Variants in NUP54 observed in about 807,000 individuals in gnomAD.
The protein encoded by NUP54 is nucleoporin p54.
Under a neutral mutation model 66.4 loss-of-function variants are expected in NUP54, and 27 were observed. The observed-to-expected ratio is 0.41, with a 90% CI of 0.30 to 0.56. The LOEUF is 0.56. NUP54 is among the 20% of genes least tolerant of loss of function. NUP54 has a pLI of 0.34. For synonymous variants in NUP54, 206 were observed against 210.7 expected (o/e 0.98, Z 0.19); for missense variants, 486 against 596.3 (o/e 0.82, Z 1.93).
chr4:76,130,670 G>A lies in NUP54; in HGVS notation c.1042C>T (p.Gln348Ter). The A allele has an allele frequency of 6.2e-7, 1 of 1,612,384 alleles. No individual in the cohort carries two copies. The highest frequency in any genetic ancestry group is 8.5e-7 in the Non-Finnish European group (1 of 1,178,542). ...KVQDQMTKQHQTRLDIISEDI... is the reference protein window; with the variant it reads ...KVQDQMTKQH ...TAAATGCTTACATCTAATCTGGTTT[G>A]ATGCTGCTTAGTCATCTGATCTTGA... is the stretch of plus-strand genomic sequence containing the variant. The change falls in exon 8 of 12, where the codon CAA (glutamine) becomes TAA (stop). Residue 348 changes from glutamine (Q) to a stop codon, truncating the protein, a stop_gained. Transcript: ENST00000264883. LOFTEE classifies it high-confidence loss of function.
chr4:76,118,861 G>A (rs866141227), intron 9 of NUP54, among the ~76,000 whole-genome samples: 10 of 151,938 alleles, frequency 6.6e-5, no homozygotes, highest in East Asian at 3.9e-4. Flanking sequence ...AAAATTAGCC[G>A]GACGTTGATG....
intron 11 of NUP54, 45 bp from the exon 12 acceptor site, chr4:76,115,539 A>T: frequency 6.7e-7 from 1 of 1,496,268 alleles, no homozygotes; most frequent in Admixed American, 2.3e-5. Flanking sequence ...TAATTTCTTA[A>T]AACTGCAAGC....
intron 3 of NUP54, among the ~76,000 whole-genome samples, chr4:76,137,692 T>C (rs907677570): frequency 6.6e-6 from 1 of 152,200 alleles, no homozygotes; most frequent in Admixed American, 6.5e-5. Flanking sequence ...GCCAAGTTCT[T>C]AGGGCAGATA....
At chr4:76,137,977 G>A (rs6829581) in intron 3 of NUP54, among the ~76,000 whole-genome samples, 74,906 of 151,958 alleles carry the variant, frequency 0.49, 19,723 homozygotes, top group East Asian at 0.9. Flanking sequence ...GTATGTAGAT[G>A]AGGAGAAAAC....
intron 3 of NUP54, among the ~76,000 whole-genome samples, chr4:76,143,843 T>C (rs1343000249): frequency 1.3e-5 from 2 of 152,190 alleles, no homozygotes; most frequent in Non-Finnish European, 2.9e-5. Context: ...TACAAGGGTG[T>C]TAACCTTTGT....
intron 9 of NUP54, 59 bp from the exon 10 acceptor site, chr4:76,118,253 G>C: frequency 1.4e-6 from 2 of 1,465,864 alleles, no homozygotes; most frequent in Non-Finnish European, 1.9e-6. Flanking sequence ...TATGCAAGTA[G>C]TAGTAGTACA....
intron 7 of NUP54, 129 bp downstream of exon 7, chr4:76,131,101 T>C: frequency 1.4e-6 from 1 of 692,268 alleles, no homozygotes; most frequent in South Asian, 1.8e-5. Flanking sequence ...ATAATCAATA[T>C]TTTTTAAAGG....
intron 3 of NUP54, among the ~76,000 whole-genome samples, chr4:76,140,731 T>C (rs532874675): frequency 2.0e-5 from 3 of 152,312 alleles, no homozygotes; most frequent in African/African-American, 7.2e-5. Context: ...CAGGCAACAT[T>C]GAGACCTGAG....
chr4:76,142,626 T>A (rs958258280), intron 3 of NUP54, among the ~76,000 whole-genome samples: 1 of 152,158 alleles, frequency 6.6e-6, no homozygotes, highest in Non-Finnish European at 1.5e-5. Context: ...CTTGTGAGAA[T>A]AAGTTAATCC....
chr4:76,132,995 AC>A (rs1730874635), intron 5 of NUP54, among the ~76,000 whole-genome samples: 1 of 151,152 alleles, frequency 6.6e-6, no homozygotes, highest in Admixed American at 6.6e-5. Context: ...GTACAGCTGC[AC>A]ACCCGCTACG....
At chr4:76,147,355 G>A (rs1731547478) in intron 1 of NUP54, 6 of 561,844 alleles carry the variant, frequency 1.1e-5, no homozygotes, top group Non-Finnish European at 1.6e-5. Flanking sequence ...TTTGATTCGA[G>A]ATAAGGAAAT....
At chr4:76,145,052 C>T (rs982355121) in intron 1 of NUP54, among the ~76,000 whole-genome samples, 39 of 152,090 alleles carry the variant, frequency 2.6e-4, no homozygotes, top group African/African-American at 8.9e-4. Context: ...GGCGCGGTGG[C>T]TCATGCCTGT....
At position 76,144,149 on chromosome 4, in the gene NUP54, T is replaced by C. The variant is rs780592652; in HGVS notation, c.295A>G (p.Thr99Ala). Residue 99 changes from threonine to alanine, a missense_variant and splice_region_variant, in exon 3 of 12, where the codon ACA (threonine) becomes GCA (alanine). Thr to Ala is a moderately conservative substitution (Grantham distance 58). Around this residue, in one of 4 missense-constraint regions of NUP54, gnomAD observed 145 missense variants for 137.1 expected, o/e 1.06. Coordinates refer to ENST00000264883, the MANE Select transcript of NUP54 (RefSeq NM_017426.4). Reference protein sequence around the residue: ...GFNTQQQQQTTLGGLFSQPTQ... With the variant: ...GFNTQQQQQTALGGLFSQPTQ... ...TTGAAGCTGAAAACCTCATACTTACTAGTTTGCTGCTGCTGCTGTGTATTA... is the reference window on the plus strand; with the variant it reads ...TTGAAGCTGAAAACCTCATACTTACCAGTTTGCTGCTGCTGCTGTGTATTA... 6.2e-7 allele frequency: 1 copy of C among 1,611,032 alleles called. No homozygotes were observed. Among genetic ancestry groups the C allele is most frequent in the Non-Finnish European group, 8.5e-7 (1 of 1,178,594 alleles).
intron 9 of NUP54, among the ~76,000 whole-genome samples, chr4:76,120,013 T>C (rs1049649600): frequency 1.3e-4 from 20 of 152,204 alleles, no homozygotes; most frequent in African/African-American, 4.8e-4. Context: ...TAGCTCTAAT[T>C]TGTTATTTTT....
rs774511348 is a variant in NUP54, at chr4:76,118,059, T to A, written c.1284+16A>T. The A allele has an allele frequency of 6.2e-7, 1 of 1,612,616 alleles. No individual in the cohort carries two copies. Among genetic ancestry groups the A allele is most frequent in the Non-Finnish European group, 8.5e-7 (1 of 1,179,470 alleles). On this transcript the variant is annotated intron_variant, in intron 10 of 11. Coordinates refer to ENST00000264883, the MANE Select transcript of NUP54 (RefSeq NM_017426.4). ...CCTGAAACAAATTTTAGAATTATGG[T>A]CTTAGAAGTGGTTACCTTGAACTGA...
Position 76,130,737 on chromosome 4 carries a change from T to G in NUP54, c.975A>C (p.Val325=), listed in dbSNP as rs886187238. Residue 325 remains valine, a synonymous_variant, in exon 8 of 12, where the codon GTA becomes GTC. Coordinates refer to ENST00000264883, the MANE Select transcript of NUP54 (RefSeq NM_017426.4). ...DNPDSEKLIP[V]PMVGFKELLR... is the part of the protein sequence containing the mutation. ...GAAGTTCCTTAAAACCCACCATTGG[T>G]ACAGGAATTAACCTGAAGAAACGCA... is the stretch of plus-strand genomic sequence containing the variant. 2 of 1,612,030 alleles carry G rather than the reference T, an allele frequency of 1.2e-6. No individual in the cohort carries two copies. The highest frequency in any genetic ancestry group is 2.7e-5 in the African/African-American group (2 of 74,904).
At position 76,144,296 on chromosome 4, in the gene NUP54, T is replaced by C. The variant is rs757544087; in HGVS notation, c.152-4A>G. The C allele has an allele frequency of 1.3e-5, 20 of 1,599,044 alleles. No homozygotes were observed. In the East Asian group the frequency reaches 4.3e-4, roughly 34 times the overall value. Reference sequence around the variant, plus strand: ...TTCTGAGTACCACCAAAGAGTCCTTTGAATGAAAAATTGGAACTTCGTAAG... The same window carrying C: ...TTCTGAGTACCACCAAAGAGTCCTTCGAATGAAAAATTGGAACTTCGTAAG... On this transcript the variant is annotated splice_polypyrimidine_tract_variant and splice_region_variant and intron_variant, in intron 2 of 11. Coordinates refer to ENST00000264883, the MANE Select transcript of NUP54 (RefSeq NM_017426.4).
At chr4:76,138,891 G>C (rs765363419) in intron 3 of NUP54, among the ~76,000 whole-genome samples, 3 of 152,128 alleles carry the variant, frequency 2.0e-5, no homozygotes, top group Non-Finnish European at 4.4e-5. Flanking sequence ...CTGGCCAAAT[G>C]CAACAACTGA....
intron 9 of NUP54, among the ~76,000 whole-genome samples, chr4:76,120,150 T>A (rs193049989): frequency 4.9e-4 from 75 of 152,288 alleles, no homozygotes; most frequent in Non-Finnish European, 8.5e-4. Context: ...CTATAAACAA[T>A]GCTGTAATAA....
Sources: gnomAD v4.1 joint callset for allele counts (sites outside exome capture counted in the v4.1 genomes callset) on GRCh38, gnomAD v4.1.1 for gene constraint, gnomAD v4.1.1 regional missense constraint, MANE v1.5 for transcripts, NCBI Gene and HGNC (gene_info 2026-07-23, HGNC 2026-07-21) for gene names.